Variants in PRKN observed in about 807,000 individuals in gnomAD.
The protein encoded by PRKN is E3 ubiquitin-protein ligase parkin.
In PRKN, 56 loss-of-function variants were observed where a neutral mutation model predicts 59.5. That is an observed-to-expected ratio of 0.94 (90% CI 0.76 to 1.18). The LOEUF (loss-of-function observed/expected upper bound fraction) is 1.18. Among genes scored for constraint, PRKN ranks in the 50% most tolerant of loss-of-function variants. The pLI is 0.00. For missense variants in PRKN, 657 were observed against 596.4 expected, an observed-to-expected ratio of 1.10 and a Z score of -1.06; for synonymous variants, 250 against 222.1, an observed-to-expected ratio of 1.13 and a Z score of -1.12.
chr6:162,662,487 T>G (rs1778926095), intron 1 of PRKN, among the ~76,000 whole-genome samples: 1 of 152,142 alleles, frequency 6.6e-6, no homozygotes, highest in Admixed American at 6.5e-5. Context: ...TGGTCATAAA[T>G]TATTTGCCTA....
chr6:161,634,100 G>A lies in PRKN; in HGVS notation c.872-64684C>T, dbSNP rs552596144. 2.2e-4 allele frequency among the ~76,000 whole-genome samples: 34 copies of A among 151,326 alleles called. No homozygotes were observed. In the South Asian group the frequency reaches 6.3e-3, roughly 28 times the overall value. ...CTCCTAAGACTGTAAGTGAGTTATC[G>A]TTACTGATGGGAATGGGTTCTGTCC... On this transcript the variant is annotated intron_variant, in intron 7 of 11. Transcript: ENST00000366898.
intron 1 of PRKN, among the ~76,000 whole-genome samples, chr6:162,607,553 T>A (rs35156252): frequency 0.19 from 29,353 of 151,626 alleles, 3,203 homozygotes; most frequent in East Asian, 0.49. Flanking sequence ...TTTTTTTTTT[T>A]AATGGGGGAA....
intron 4 of PRKN, among the ~76,000 whole-genome samples, chr6:162,116,081 T>C (rs999976791): frequency 1.3e-5 from 2 of 152,186 alleles, no homozygotes; most frequent in Non-Finnish European, 2.9e-5. Flanking sequence ...CAGATCAAAT[T>C]TACCCTTCAG....
At chr6:162,672,358 G>T (rs936776888) in intron 1 of PRKN, among the ~76,000 whole-genome samples, 2 of 151,964 alleles carry the variant, frequency 1.3e-5, no homozygotes, top group Non-Finnish European at 2.9e-5. Flanking sequence ...TAAGCTAAGG[G>T]AGAAAACAAA....
rs143118352 is a variant in PRKN at position 161,861,022 on chromosome 6, C to T, written c.735-75114G>A. Among the ~76,000 whole-genome samples the T allele has an allele frequency of 5.9e-5, 9 of 152,278 alleles. No individual in the cohort carries two copies. The East Asian group carries it at 7.7e-4, about 13-fold the overall frequency. The stretch of plus-strand genomic sequence containing the variant: ...TCAGCCATTGTGGAAGACAGTGTGG[C>T]GATTCCTCAATCATCTAGAACCAGA... On this transcript the variant is annotated intron_variant, in intron 6 of 11. Transcript: ENST00000366898.
At chr6:162,167,604 A>T (rs1285618970) in intron 4 of PRKN, among the ~76,000 whole-genome samples, 2 of 96,502 alleles carry the variant, frequency 2.1e-5, no homozygotes, top group African/African-American at 7.2e-5. Flanking sequence ...ATTCTGAAAT[A>T]ACAGGGATTT....
chr6:162,528,376 T>TCAAGA (rs1160415419), intron 1 of PRKN, among the ~76,000 whole-genome samples: 1 of 151,294 alleles, frequency 6.6e-6, no homozygotes, highest in Non-Finnish European at 1.5e-5. Flanking sequence ...AAGGCAGGAC[T>TCAAGA]CAAGACAAGT....
rs371242532 is a variant in PRKN at position 161,838,908 on chromosome 6, C to T, written c.735-53000G>A. 2.0e-4 allele frequency among the ~76,000 whole-genome samples: 31 copies of T among 152,266 alleles called. 1 individual carries two copies. In the South Asian group the frequency reaches 5.6e-3, roughly 28 times the overall value. ...CTCACTTTGATCTGTAACTAGAGCT[C>T]AGGGAGTCCCATTCGACCCTGCAAG... On this transcript the variant is annotated intron_variant, in intron 6 of 11. Transcript: ENST00000366898.
At chr6:162,386,635 G>C (rs1402803489) in intron 2 of PRKN, among the ~76,000 whole-genome samples, 1 of 152,202 alleles carries the variant, frequency 6.6e-6, no homozygotes, top group Non-Finnish European at 1.5e-5. Context: ...CCCCGTGCCT[G>C]TGCTGGGTTC....
intron 1 of PRKN, among the ~76,000 whole-genome samples, chr6:162,573,537 T>C (rs1214108376): frequency 6.6e-6 from 1 of 152,218 alleles, no homozygotes; most frequent in Non-Finnish European, 1.5e-5. Flanking sequence ...GTCTCTTTTG[T>C]TATAAAATTA....
intron 4 of PRKN, among the ~76,000 whole-genome samples, chr6:162,109,747 C>T (rs999865234): frequency 6.6e-6 from 1 of 152,202 alleles, no homozygotes; most frequent in African/African-American, 2.4e-5. Context: ...AAACACTTTC[C>T]AACATCCAAT....
rs1054837107 is a variant in PRKN at position 161,362,311 on chromosome 6, C to T, written c.1168-2106G>A. Among the ~76,000 whole-genome samples the T allele has an allele frequency of 6.6e-6, 1 of 152,138 alleles. No homozygotes were observed. Among genetic ancestry groups the T allele is most frequent in the African/African-American group, 2.4e-5 (1 of 41,428 alleles). ...TTAAAGACAGCAAATCCTCCTGGTTCGGGAGGAAGGAACCTGGCATTTGCT... is the reference window on the plus strand; with the variant it reads ...TTAAAGACAGCAAATCCTCCTGGTTTGGGAGGAAGGAACCTGGCATTTGCT... On this transcript the variant is annotated intron_variant, in intron 10 of 11. Coordinates refer to ENST00000366898, the MANE Select transcript of PRKN (RefSeq NM_004562.3). The surrounding 1 kb of genome is among the most constrained non-coding windows in gnomAD (Gnocchi z 5.2).
intron 1 of PRKN, among the ~76,000 whole-genome samples, chr6:162,720,049 G>A (rs1435243641): frequency 6.6e-6 from 1 of 152,082 alleles, no homozygotes; most frequent in African/African-American, 2.4e-5. Flanking sequence ...CTACTCTGCG[G>A]GTACAATAAG....
intron 6 of PRKN, among the ~76,000 whole-genome samples, chr6:161,853,870 G>A (rs1002893079): frequency 6.6e-6 from 1 of 152,124 alleles, no homozygotes; most frequent in African/African-American, 2.4e-5. Flanking sequence ...CCCATTCAGT[G>A]CACACAGAGT....
chr6:162,386,906 G>C (rs1786853635), intron 2 of PRKN, among the ~76,000 whole-genome samples: 1 of 152,058 alleles, frequency 6.6e-6, no homozygotes, highest in Non-Finnish European at 1.5e-5. Flanking sequence ...TATAGACTAC[G>C]TCAATAAGGT....
rs1446298638 is a variant in PRKN at position 162,580,099 on chromosome 6, C to A, written c.8-136626G>T. On this transcript the variant is annotated intron_variant, in intron 1 of 11. Coordinates refer to ENST00000366898, the MANE Select transcript of PRKN (RefSeq NM_004562.3). ...TTTGGAGTTCATATGACACAAGACA[C>A]TGGACTTTCGGTGACAAGGAACCAT... 3.9e-5 allele frequency among the ~76,000 whole-genome samples: 6 copies of A among 152,302 alleles called. No homozygotes were observed. In the East Asian group the frequency reaches 1.2e-3, roughly 29 times the overall value.
At chr6:162,504,893 C>G (rs1445954862) in intron 1 of PRKN, among the ~76,000 whole-genome samples, 1 of 152,108 alleles carries the variant, frequency 6.6e-6, no homozygotes, top group African/African-American at 2.4e-5. Flanking sequence ...CAGAACTAGG[C>G]AGGGCACAGA....
intron 9 of PRKN, among the ~76,000 whole-genome samples, chr6:161,534,693 T>G (rs777944809): frequency 1.3e-5 from 2 of 152,272 alleles, no homozygotes; most frequent in African/African-American, 2.4e-5. Flanking sequence ...GCACAGTGGC[T>G]GTGACATCAC....
rs565645546 is a variant in PRKN, at chr6:162,199,509, T to C, written c.534+1622A>G. Among the ~76,000 whole-genome samples, 6 of 152,314 alleles carry C rather than the reference T, an allele frequency of 3.9e-5. 1 individual carries two copies. In the South Asian group the frequency reaches 1.0e-3, roughly 26 times the overall value. On this transcript the variant is annotated intron_variant, in intron 4 of 11. Transcript: ENST00000366898. ...CCAGGAAGTTGGTATAAATAGGTCA[T>C]ATATGCCACCTAAAGCAATCAGGAC...
Sources: gnomAD v4.1 joint callset for allele counts (sites outside exome capture counted in the v4.1 genomes callset) on GRCh38, gnomAD v4.1.1 for gene constraint, Gnocchi (gnomAD v3.1) non-coding constraint, MANE v1.5 for transcripts, NCBI Gene and HGNC (gene_info 2026-07-23, HGNC 2026-07-21) for gene names.